Variants in USP53 observed in about 807,000 individuals in gnomAD.
The protein encoded by USP53 is ubiquitin carboxyl-terminal hydrolase 53.
USP53 carries 71 observed loss-of-function variants against 94.9 expected under a neutral mutation model. That is an observed-to-expected ratio of 0.75 (90% confidence interval 0.62 to 0.91). The LOEUF is 0.91. Ranked by LOEUF, USP53 falls within the 40% of genes least tolerant of loss-of-function variation. The pLI, the probability that USP53 is intolerant of heterozygous loss-of-function variation, is 0.00. For synonymous variants in USP53, 375 were observed against 422.7 expected (o/e 0.89, Z 1.39); for missense variants, 1,173 against 1,281.0 (o/e 0.92, Z 1.29).
chr4:119,226,655 CAA>C (rs1745295299), intron 3 of USP53, among the ~76,000 whole-genome samples: 2 of 151,970 alleles, frequency 1.3e-5, no homozygotes, highest in Admixed American at 1.3e-4. Context: ...TTGGAGGTCT[CAA>C]TATTGTTAAG....
chr4:119,243,569 G>T (rs1747832178), intron 5 of USP53, among the ~76,000 whole-genome samples: 1 of 152,134 alleles, frequency 6.6e-6, no homozygotes, highest in Admixed American at 6.5e-5. Context: ...TTTTGTGATA[G>T]CGATTTGTTA....
chr4:119,260,074 A>C (rs1750298442), intron 10 of USP53, 149 bp downstream of exon 10: 1 of 516,396 alleles, frequency 1.9e-6, no homozygotes, highest in Non-Finnish European at 3.1e-6. Flanking sequence ...TACCATGTGT[A>C]TCATTTATCT....
upstream of USP53, chr4:119,212,607 A>C (rs1363525397): frequency 7.3e-6 from 3 of 408,290 alleles, no homozygotes; most frequent in African/African-American, 2.1e-5. Context: ...GGACCTGTTG[A>C]TCGCAGGTGT....
At chr4:119,281,582 G>A (rs952561058) in intron 17 of USP53, among the ~76,000 whole-genome samples, 26 of 152,204 alleles carry the variant, frequency 1.7e-4, no homozygotes, top group African/African-American at 6.3e-4. Context: ...AGTATTACAG[G>A]AAACAGTAAA....
At chr4:119,252,633 A>G (rs1039627334) in intron 7 of USP53, among the ~76,000 whole-genome samples, 1 of 151,458 alleles carries the variant, frequency 6.6e-6, no homozygotes, top group Non-Finnish European at 1.5e-5. Context: ...TTTCTTCTTT[A>G]TTAGTTTTGC....
At chr4:119,241,699 C>CAT (rs945487979) in intron 5 of USP53, among the ~76,000 whole-genome samples, 40 of 152,010 alleles carry the variant, frequency 2.6e-4, no homozygotes, top group African/African-American at 9.2e-4. Context: ...TAGGTTTCTT[C>CAT]ATGTTTCTTG....
intron 17 of USP53, among the ~76,000 whole-genome samples, chr4:119,278,656 A>G: frequency 1.6e-5 from 1 of 63,016 alleles, no homozygotes; most frequent in African/African-American, 4.5e-5. Context: ...CTGCCTTGCT[A>G]GATTGGGGAA....
At chr4:119,289,099 G>A (rs1280651099) in intron 17 of USP53, among the ~76,000 whole-genome samples, 1 of 152,102 alleles carries the variant, frequency 6.6e-6, no homozygotes, top group African/African-American at 2.4e-5. Flanking sequence ...AAAACTTGTG[G>A]TGGATACAAG....
chr4:119,238,329 T>G (rs1039265276), intron 4 of USP53, among the ~76,000 whole-genome samples: 5 of 152,178 alleles, frequency 3.3e-5, no homozygotes, highest in African/African-American at 1.2e-4. Flanking sequence ...ATTTCAGTAC[T>G]GCTGCATCTC....
At chr4:119,228,139 G>A (rs1745568464) in intron 3 of USP53, among the ~76,000 whole-genome samples, 1 of 152,184 alleles carries the variant, frequency 6.6e-6, no homozygotes, top group African/African-American at 2.4e-5. Flanking sequence ...TGGATTCTGT[G>A]CTCTGGATCT....
At chr4:119,279,844 G>T (rs1753265132) in intron 17 of USP53, among the ~76,000 whole-genome samples, 1 of 152,072 alleles carries the variant, frequency 6.6e-6, no homozygotes, top group African/African-American at 2.4e-5. Context: ...GCAATATTCG[G>T]GTGGGAGTGA....
rs574742918 is a variant in USP53 at position 119,290,313 on chromosome 4, G to A, written c.2252-852G>A. 1.1e-3 allele frequency among the ~76,000 whole-genome samples: 162 copies of A among 152,192 alleles called. 1 individual carries two copies. The Middle Eastern group carries it at 0.017, about 16-fold the overall frequency. On this transcript the variant is annotated intron_variant, in intron 17 of 18. Coordinates refer to ENST00000692078, the MANE Select transcript of USP53 (RefSeq NM_001371395.1). Reference sequence around the variant, plus strand: ...TAAATTAGTATAACTTTTTTCATAAGACTTCATTAAAATTAAATTAAAAAA... The same window carrying A: ...TAAATTAGTATAACTTTTTTCATAAAACTTCATTAAAATTAAATTAAAAAA...
chr4:119,230,100 C>T (rs558154019), intron 3 of USP53, among the ~76,000 whole-genome samples: 12 of 152,238 alleles, frequency 7.9e-5, no homozygotes, highest in African/African-American at 2.9e-4. Context: ...ATATGCATAT[C>T]TCTGGTTTTG....
In USP53 at chr4:119,259,701, C is replaced by T. The variant is rs28374283; in HGVS notation, c.570-119C>T. On this transcript the variant is annotated intron_variant, in intron 9 of 18. Transcript: ENST00000692078. Reference sequence around the variant, plus strand: ...TGTACTTTATGGTTAATTTTTCAGTCATGGTCATGTTTTAGATAGAAAAAG... The same window carrying T: ...TGTACTTTATGGTTAATTTTTCAGTTATGGTCATGTTTTAGATAGAAAAAG... The T allele has an allele frequency of 0.021, 12,836 of 621,104 alleles. 1,266 individuals carry two copies. In the African/African-American group the frequency reaches 0.22, roughly 10 times the overall value. 38.5% of individuals were successfully genotyped at this position (621,104 alleles called of 1,614,324 possible).
intron 5 of USP53, 125 bp from the exon 6 acceptor site, chr4:119,245,212 G>A: frequency 1.3e-6 from 1 of 749,114 alleles, no homozygotes; most frequent in Non-Finnish European, 2.3e-6. Context: ...GTCTGATTAT[G>A]TACAGGCAAT....
intron 17 of USP53, among the ~76,000 whole-genome samples, chr4:119,278,506 C>T (rs1373200244): frequency 4.1e-5 from 6 of 144,826 alleles, no homozygotes; most frequent in African/African-American, 7.6e-5. Flanking sequence ...GAGAGTAACC[C>T]GACCTTTCTC....
chr4:119,268,361 C>T lies in USP53; in HGVS notation c.1229C>T (p.Thr410Ile), dbSNP rs758614358. 21 of 1,613,906 alleles carry T rather than the reference C, an allele frequency of 1.3e-5. No homozygotes were observed. The highest frequency in any genetic ancestry group is 1.4e-5 in the Non-Finnish European group (17 of 1,179,892). ...CAGAGAGAAAATCAGAAATTTCCAA[C>T]TGATAATATTTCATCATCTAATCGG... is the stretch of plus-strand genomic sequence containing the variant. ...AKQRENQKFP[T>I]DNISSSNRSH... The change falls in exon 14 of 19, where the codon ACT (threonine) becomes ATT (isoleucine). Residue 410 changes from threonine to isoleucine, a missense_variant. Thr to Ile is a moderately conservative substitution (Grantham distance 89). Coordinates refer to ENST00000692078, the MANE Select transcript of USP53 (RefSeq NM_001371395.1).
chr4:119,290,310 T>C (rs1158375426), intron 17 of USP53, among the ~76,000 whole-genome samples: 2 of 152,178 alleles, frequency 1.3e-5, no homozygotes, highest in African/African-American at 4.8e-5. Context: ...ACTTTTTTCA[T>C]AAGACTTCAT....
At chr4:119,283,202 G>C (rs1385493158) in intron 17 of USP53, among the ~76,000 whole-genome samples, 1 of 151,942 alleles carries the variant, frequency 6.6e-6, no homozygotes, top group Admixed American at 6.6e-5. Context: ...TGGAATTGTA[G>C]TGGAGGGATT....
Sources: allele counts gnomAD v4.1 joint callset (sites outside exome capture counted in the v4.1 genomes callset), GRCh38; gene constraint gnomAD v4.1.1; transcripts MANE v1.5; gene names NCBI Gene and HGNC (gene_info 2026-07-23, HGNC 2026-07-21).